Variants in RAPGEF2 observed in about 807,000 individuals in gnomAD.
RAPGEF2 encodes Rap guanine nucleotide exchange factor 2.
RAPGEF2 carries 54 observed loss-of-function variants against 186.7 expected under a neutral mutation model. The observed-to-expected ratio is 0.29, with a 90% CI of 0.23 to 0.36. The LOEUF (loss-of-function observed/expected upper bound fraction) is 0.36, where lower values mean the gene tolerates loss of function less well. Among genes scored for constraint, RAPGEF2 ranks in the 10% least tolerant of loss-of-function variants. RAPGEF2 has a pLI of 1.00. For missense variants in RAPGEF2, 1,532 were observed against 2,045.0 expected (o/e 0.75, Z 4.84); for synonymous variants, 712 against 705.9 (o/e 1.01, Z -0.14).
intron 1 of RAPGEF2, among the ~76,000 whole-genome samples, chr4:159,126,810 T>C (rs1740355810): frequency 6.6e-6 from 1 of 152,204 alleles, no homozygotes; most frequent in African/African-American, 2.4e-5. Context: ...TTATTTAGGA[T>C]GGTCTTTTAG....
At chr4:159,160,869 G>A (rs1744638582) in intron 1 of RAPGEF2, among the ~76,000 whole-genome samples, 1 of 151,770 alleles carries the variant, frequency 6.6e-6, no homozygotes, top group African/African-American at 2.4e-5. Flanking sequence ...CCCACATCAG[G>A]GTTTAAAAGG....
chr4:159,251,760 G>A (rs1033637578), intron 7 of RAPGEF2, among the ~76,000 whole-genome samples: 1 of 150,900 alleles, frequency 6.6e-6, no homozygotes, highest in Non-Finnish European at 1.5e-5. Context: ...TCAGCTGTCT[G>A]TAAAATGGAC....
intron 26 of RAPGEF2, chr4:159,350,944 A>G: frequency 8.3e-7 from 1 of 1,210,172 alleles, no homozygotes; most frequent in Non-Finnish European, 1.1e-6. Flanking sequence ...CTGACTCAAC[A>G]GGTATTGCTT....
In RAPGEF2 at chr4:159,241,205, A is replaced by T. The variant is rs1342809547; in HGVS notation, c.362A>T (p.Asp121Val). Reference protein sequence around the residue: ...VLEPSEMIVVDYMDENEEYFQ... With the variant: ...VLEPSEMIVVVYMDENEEYFQ... The stretch of plus-strand genomic sequence containing the variant: ...TTTTGGGGGGTTTTATTTCAGGTGG[A>T]CTATATGGATGAAAATGAAGAATAT... The change falls in exon 6 of 30, where the codon GAC becomes GTC. Residue 121 changes from aspartate to valine, a missense_variant. This residue lies in a region of RAPGEF2 where 810 missense variants were observed against 1,210.5 expected (regional missense o/e 0.67). Coordinates refer to ENST00000691494, the MANE Select transcript of RAPGEF2 (RefSeq NM_001394067.2). The T allele has an allele frequency of 6.6e-7, 1 of 1,513,732 alleles. No individual in the cohort carries two copies. The highest frequency in any genetic ancestry group is 8.8e-7 in the Non-Finnish European group (1 of 1,133,662). The allele number at this position is 1,513,732 out of a possible 1,614,324, so 93.8% of individuals were successfully genotyped here.
At chr4:159,201,888 C>G (rs1170952754) in intron 3 of RAPGEF2, among the ~76,000 whole-genome samples, 1 of 152,142 alleles carries the variant, frequency 6.6e-6, no homozygotes, top group Non-Finnish European at 1.5e-5. Flanking sequence ...ATTTCACTTT[C>G]TTGTTTTATA....
At chr4:159,210,306 G>A (rs529215758) in intron 3 of RAPGEF2, among the ~76,000 whole-genome samples, 194 bp from the exon 4 acceptor site, 42 of 152,266 alleles carry the variant, frequency 2.8e-4, no homozygotes, top group African/African-American at 9.4e-4. Flanking sequence ...AATATATTTG[G>A]TGTATTTCAG....
chr4:159,219,793 C>T (rs1044243679), intron 4 of RAPGEF2, among the ~76,000 whole-genome samples: 3 of 152,214 alleles, frequency 2.0e-5, no homozygotes, highest in African/African-American at 7.2e-5. Context: ...TACCTTAGTG[C>T]TTAGTCCGTA....
chr4:159,242,964 C>G (rs1209459881), intron 6 of RAPGEF2, among the ~76,000 whole-genome samples: 2 of 151,912 alleles, frequency 1.3e-5, no homozygotes, highest in African/African-American at 2.4e-5. Flanking sequence ...TCATATTTGT[C>G]ACACTTTAGT....
intron 1 of RAPGEF2, among the ~76,000 whole-genome samples, chr4:159,165,216 A>G (rs1451409200): frequency 6.6e-6 from 1 of 152,170 alleles, no homozygotes; most frequent in Non-Finnish European, 1.5e-5. Context: ...GTATTTGGAT[A>G]TTAATTAAAT....
intron 1 of RAPGEF2, among the ~76,000 whole-genome samples, chr4:159,161,832 C>T (rs969527837): frequency 6.6e-6 from 1 of 152,208 alleles, no homozygotes; most frequent in African/African-American, 2.4e-5. Flanking sequence ...AGGTTTGATG[C>T]ATAAACCAAG....
chr4:159,216,626 A>T (rs974923504), intron 4 of RAPGEF2, among the ~76,000 whole-genome samples: 1 of 152,130 alleles, frequency 6.6e-6, no homozygotes, highest in Admixed American at 6.6e-5. Context: ...AGCATTGGTA[A>T]TAGTGGCATT....
At chr4:159,179,040 T>G (rs1430749650) in intron 1 of RAPGEF2, among the ~76,000 whole-genome samples, 1 of 152,226 alleles carries the variant, frequency 6.6e-6, no homozygotes, top group Non-Finnish European at 1.5e-5. Flanking sequence ...TACCATGGTT[T>G]TATAACTTCA....
chr4:159,168,434 C>G (rs1745561448), intron 1 of RAPGEF2, among the ~76,000 whole-genome samples: 1 of 151,882 alleles, frequency 6.6e-6, no homozygotes, highest in South Asian at 2.1e-4. Flanking sequence ...CTTGGCCTCC[C>G]CTTTTTATTT....
intron 3 of RAPGEF2, among the ~76,000 whole-genome samples, chr4:159,195,198 G>A (rs1434279319): frequency 6.6e-6 from 1 of 152,170 alleles, no homozygotes; most frequent in Non-Finnish European, 1.5e-5. Flanking sequence ...CAAGAGGCAA[G>A]TGCTCTTAAC....
chr4:159,112,607 A>G (rs1001744738), intron 1 of RAPGEF2, among the ~76,000 whole-genome samples: 2 of 152,306 alleles, frequency 1.3e-5, no homozygotes, highest in African/African-American at 4.8e-5. Context: ...AAGTAGTTGA[A>G]TAAATAAATA....
At chr4:159,274,067 C>T (rs1375423930) in intron 7 of RAPGEF2, among the ~76,000 whole-genome samples, 1 of 152,138 alleles carries the variant, frequency 6.6e-6, no homozygotes, top group East Asian at 1.9e-4. Flanking sequence ...GCTAGGATTA[C>T]AGGCTGAGCC....
intron 7 of RAPGEF2, among the ~76,000 whole-genome samples, chr4:159,275,767 C>T (rs996913966): frequency 8.6e-5 from 13 of 151,836 alleles, no homozygotes; most frequent in African/African-American, 3.1e-4. Context: ...CAGAAAAGAA[C>T]ATCACACTTT....
At chr4:159,173,354 A>G (rs1303329705) in intron 1 of RAPGEF2, among the ~76,000 whole-genome samples, 3 of 152,238 alleles carry the variant, frequency 2.0e-5, no homozygotes, top group Admixed American at 6.5e-5. Flanking sequence ...TGGTAGGACT[A>G]TTGAGATTTG....
chr4:159,243,931 A>G (rs1410300159), intron 7 of RAPGEF2, 140 bp downstream of exon 7: 3 of 580,814 alleles, frequency 5.2e-6, no homozygotes, highest in Admixed American at 4.9e-5. Flanking sequence ...CTTTGAAATT[A>G]TCAGTGGTTT....
Sources: allele counts gnomAD v4.1 joint callset (sites outside exome capture counted in the v4.1 genomes callset), GRCh38; gene constraint gnomAD v4.1.1; regional missense constraint gnomAD v4.1.1; transcripts MANE v1.5; gene names NCBI Gene and HGNC (gene_info 2026-07-23, HGNC 2026-07-21).